The following FBXL17 variants were observed in gnomAD, a reference collection of about 807,000 sequenced individuals.
FBXL17 encodes F-box and leucine rich repeat protein 17.
A neutral mutation model predicts 66.2 loss-of-function variants in FBXL17; 22 were observed. The ratio of observed to expected loss-of-function variants is 0.33; its 90% CI spans 0.24 to 0.47. FBXL17 has a LOEUF of 0.47. Among genes scored for constraint, FBXL17 ranks in the 20% least tolerant of loss-of-function variants. The probability of loss-of-function intolerance (pLI) is 1.00; values close to 1 mark genes in which losing one functional copy is unlikely to be tolerated. For synonymous variants in FBXL17, 474 were observed against 400.5 expected (o/e 1.18, Z -2.19); for missense variants, 878 against 948.2 (o/e 0.93, Z 0.97).
intron 4 of FBXL17, among the ~76,000 whole-genome samples, chr5:108,238,977 T>C (rs1375359818): frequency 7.2e-5 from 11 of 152,196 alleles, no homozygotes; most frequent in Non-Finnish European, 1.6e-4. Context: ...ATAACAAATA[T>C]TACTTTTTAA....
intron 6 of FBXL17, among the ~76,000 whole-genome samples, chr5:108,072,967 G>A (rs1025972228): frequency 4.6e-5 from 7 of 152,092 alleles, no homozygotes; most frequent in Middle Eastern, 3.2e-3. Context: ...CAAAACGAGT[G>A]AAATATATAT....
intron 4 of FBXL17, among the ~76,000 whole-genome samples, chr5:108,257,511 G>A (rs1756625811): frequency 6.6e-6 from 1 of 152,104 alleles, no homozygotes; most frequent in Non-Finnish European, 1.5e-5. Flanking sequence ...AGGAAGAGTA[G>A]CAAAGGAAGA....
At chr5:108,035,459 C>G (rs1746805243) in intron 6 of FBXL17, among the ~76,000 whole-genome samples, 1 of 152,060 alleles carries the variant, frequency 6.6e-6, no homozygotes, top group Non-Finnish European at 1.5e-5. Flanking sequence ...CTCTGCCTCC[C>G]AGGTTCAAGC....
At chr5:108,202,971 A>T (rs1255639485) in intron 5 of FBXL17, among the ~76,000 whole-genome samples, 1 of 152,184 alleles carries the variant, frequency 6.6e-6, no homozygotes, top group African/African-American at 2.4e-5. Context: ...CAGCAGGAAA[A>T]GAAAAAAATT....
chr5:108,284,969 A>C (rs549949826), intron 4 of FBXL17, among the ~76,000 whole-genome samples: 1 of 151,998 alleles, frequency 6.6e-6, no homozygotes, highest in African/African-American at 2.4e-5. Context: ...TCTACTACAG[A>C]GTAAAAATTG....
At chr5:108,131,851 T>C (rs935148405) in intron 6 of FBXL17, among the ~76,000 whole-genome samples, 1 of 152,206 alleles carries the variant, frequency 6.6e-6, no homozygotes, top group African/African-American at 2.4e-5. Context: ...TATAAAATCA[T>C]TTTAATTATT....
intron 6 of FBXL17, among the ~76,000 whole-genome samples, chr5:108,041,465 G>A (rs769570111): frequency 9.2e-5 from 14 of 152,188 alleles, no homozygotes; most frequent in South Asian, 6.2e-4. Context: ...CACCCAGGCC[G>A]GAGAGCAGTG....
At chr5:108,199,951 C>A (rs1264934680) in intron 5 of FBXL17, among the ~76,000 whole-genome samples, 1 of 151,170 alleles carries the variant, frequency 6.6e-6, no homozygotes, top group Non-Finnish European at 1.5e-5. Flanking sequence ...AAACCACCAG[C>A]ATCCCAAAGC....
intron 4 of FBXL17, among the ~76,000 whole-genome samples, chr5:108,306,849 T>C (rs1580785183): frequency 1.3e-5 from 2 of 152,058 alleles, no homozygotes; most frequent in Admixed American, 1.3e-4. Flanking sequence ...TGTGAGCACA[T>C]TAAAAAAAGT....
At chr5:108,128,433 C>T (rs1261269369) in intron 6 of FBXL17, among the ~76,000 whole-genome samples, 3 of 151,952 alleles carry the variant, frequency 2.0e-5, no homozygotes, top group Non-Finnish European at 2.9e-5. Flanking sequence ...GTCAACTAGC[C>T]TACCTCAGTT....
Position 108,212,951 on chromosome 5 carries a change from T to C in FBXL17, c.1614+11170A>G, listed in dbSNP as rs533650156. ...CTCCAGGTGCTCTGTCCCAGGAAGA[T>C]AGGGGTTTTATCTATATGTCCCTGA... On this transcript the variant is annotated intron_variant, in intron 5 of 8. Transcript: ENST00000542267. Among the ~76,000 whole-genome samples the C allele has an allele frequency of 5.3e-5, 8 of 152,302 alleles. No homozygotes were observed. In the East Asian group the frequency reaches 7.7e-4, roughly 15 times the overall value.
intron 6 of FBXL17, among the ~76,000 whole-genome samples, chr5:108,078,659 C>G (rs934138754): frequency 1.3e-5 from 2 of 152,140 alleles, no homozygotes; most frequent in African/African-American, 4.8e-5. Context: ...TGTGAGGTTT[C>G]ATCTATATAA....
At chr5:108,050,054 T>C (rs1044113684) in intron 6 of FBXL17, among the ~76,000 whole-genome samples, 2 of 152,134 alleles carry the variant, frequency 1.3e-5, no homozygotes, top group Non-Finnish European at 2.9e-5. Flanking sequence ...TAAATATACA[T>C]GTACCCAATA....
chr5:108,194,202 A>G (rs1232270749), intron 5 of FBXL17, among the ~76,000 whole-genome samples: 3 of 152,148 alleles, frequency 2.0e-5, no homozygotes, highest in Non-Finnish European at 4.4e-5. Flanking sequence ...GATTTTGAGA[A>G]GTTGTTCTCA....
chr5:107,923,748 C>T (rs1750402067), intron 7 of FBXL17, among the ~76,000 whole-genome samples: 1 of 152,164 alleles, frequency 6.6e-6, no homozygotes, highest in Non-Finnish European at 1.5e-5. Context: ...GGATTCTTAA[C>T]ACCCACTCTT....
At chr5:108,344,189 A>G (rs1580855749) in intron 4 of FBXL17, among the ~76,000 whole-genome samples, 1 of 147,904 alleles carries the variant, frequency 6.8e-6, no homozygotes, top group Non-Finnish European at 1.5e-5. Flanking sequence ...GTCGGGGGGG[A>G]AAGCCTGGAG....
At chr5:108,108,785 T>G (rs932747502) in intron 6 of FBXL17, among the ~76,000 whole-genome samples, 2 of 142,796 alleles carry the variant, frequency 1.4e-5, no homozygotes, top group African/African-American at 5.4e-5. Context: ...ACTTTGTTTT[T>G]GTTTTTTTTT....
At chr5:108,041,724 C>A (rs1002778160) in intron 6 of FBXL17, among the ~76,000 whole-genome samples, 1 of 152,018 alleles carries the variant, frequency 6.6e-6, no homozygotes. Context: ...AGCCCCTTTT[C>A]TTTAAATAAC....
At chr5:108,061,355 C>T (rs987149876) in intron 6 of FBXL17, among the ~76,000 whole-genome samples, 1 of 151,862 alleles carries the variant, frequency 6.6e-6, no homozygotes, top group Non-Finnish European at 1.5e-5. Flanking sequence ...AATAATTATC[C>T]ACATTTCTCT....
Sources: gnomAD v4.1 joint callset for allele counts (sites outside exome capture counted in the v4.1 genomes callset) on GRCh38, gnomAD v4.1.1 for gene constraint, MANE v1.5 for transcripts, NCBI Gene and HGNC (gene_info 2026-07-23, HGNC 2026-07-21) for gene names.